NFIA: variants seen among roughly 807,000 people sequenced by gnomAD.
NFIA encodes nuclear factor I A, also known as nuclear factor 1 A-type.
NFIA carries 8 observed loss-of-function variants against 62.8 expected under a neutral mutation model. The observed-to-expected ratio is 0.13, with a 90% CI of 0.07 to 0.23. The LOEUF (loss-of-function observed/expected upper bound fraction) is 0.23, where lower values mean the gene tolerates loss of function less well. NFIA is among the 10% of genes least tolerant of loss of function. The probability of loss-of-function intolerance (pLI) is 1.00; values close to 1 mark genes in which losing one functional copy is unlikely to be tolerated. For missense variants in NFIA, 410 were observed against 642.1 expected, an observed-to-expected ratio of 0.64 and a Z score of 3.91; for synonymous variants, 235 against 238.1, an observed-to-expected ratio of 0.99 and a Z score of 0.12.
At chr1:61,413,216 T>C (rs1400678034) in intron 9 of NFIA, among the ~76,000 whole-genome samples, 1 of 152,232 alleles carries the variant, frequency 6.6e-6, no homozygotes, top group Non-Finnish European at 1.5e-5. Flanking sequence ...ATATCTTTGA[T>C]GAATCTTGTA....
At chr1:61,404,909 T>A (rs553891380) in intron 8 of NFIA, among the ~76,000 whole-genome samples, 2 of 152,336 alleles carry the variant, frequency 1.3e-5, no homozygotes, top group African/African-American at 4.8e-5. Flanking sequence ...AATCACAATT[T>A]GAAATGGCAT....
At chr1:61,273,739 G>A (rs1657648761) in intron 2 of NFIA, among the ~76,000 whole-genome samples, 1 of 152,156 alleles carries the variant, frequency 6.6e-6, no homozygotes, top group African/African-American at 2.4e-5. Flanking sequence ...CCTTACTACA[G>A]CATAATATTA....
chr1:61,181,857 G>A (rs1458471927), intron 2 of NFIA, among the ~76,000 whole-genome samples: 3 of 152,302 alleles, frequency 2.0e-5, no homozygotes, highest in East Asian at 1.9e-4. Context: ...AGTGGTAAAT[G>A]TGCCTCTTGT....
chr1:61,339,937 G>T (rs1336263270), intron 4 of NFIA, among the ~76,000 whole-genome samples: 1 of 152,170 alleles, frequency 6.6e-6, no homozygotes, highest in African/African-American at 2.4e-5. Context: ...CCTGGCTGTT[G>T]TCATGGACCA....
At chr1:61,295,706 G>A (rs1424945214) in intron 3 of NFIA, among the ~76,000 whole-genome samples, 2 of 152,170 alleles carry the variant, frequency 1.3e-5, no homozygotes, top group African/African-American at 2.4e-5. Context: ...AAATAGTCAC[G>A]AATGCTTCTT....
chr1:61,099,094 A>G (rs1016533862), intron 2 of NFIA, among the ~76,000 whole-genome samples: 1 of 152,240 alleles, frequency 6.6e-6, no homozygotes, highest in Non-Finnish European at 1.5e-5. Flanking sequence ...TACCACCTAC[A>G]TTTTTAAACT....
At chr1:61,363,876 T>C (rs1469083790) in intron 6 of NFIA, among the ~76,000 whole-genome samples, 1 of 151,950 alleles carries the variant, frequency 6.6e-6, no homozygotes, top group East Asian at 1.9e-4. Flanking sequence ...TGATCTAAAA[T>C]AGCTGCTGAC....
At chr1:61,441,838 T>A (rs1667596325) in intron 10 of NFIA, among the ~76,000 whole-genome samples, 1 of 152,006 alleles carries the variant, frequency 6.6e-6, no homozygotes, top group Non-Finnish European at 1.5e-5. Context: ...TTCCCAAACA[T>A]TTTTTTCCTG....
chr1:61,168,712 G>A (rs1362049282), intron 2 of NFIA, among the ~76,000 whole-genome samples: 1 of 152,156 alleles, frequency 6.6e-6, no homozygotes, highest in African/African-American at 2.4e-5. Context: ...TAAGATGGAG[G>A]TTATGTATCT....
At chr1:61,438,880 G>A (rs1002602958) in intron 10 of NFIA, among the ~76,000 whole-genome samples, 6 of 152,012 alleles carry the variant, frequency 3.9e-5, no homozygotes, top group Admixed American at 3.9e-4. Flanking sequence ...TTGCAGATTG[G>A]TATGAGTGAC....
In NFIA at chr1:61,402,033, C is replaced by CTTTTTT. The variant is rs10636290; in HGVS notation, c.1076-2054_1076-2049dup. ...GAAGTCCTAAGTTTTACTCATTTTT[C>CTTTTTT]TTTTTTTTTTTTTTTTTTTTTTGAG... On this transcript the variant is annotated intron_variant, in intron 7 of 10. Transcript: ENST00000403491. Among the ~76,000 whole-genome samples, 787 of 94,524 alleles carry CTTTTTT rather than the reference C, an allele frequency of 8.3e-3. 16 individuals are homozygous for CTTTTTT. Among genetic ancestry groups the CTTTTTT allele is most frequent in the East Asian group, 0.018 (50 of 2,764 alleles). 62.0% of individuals were successfully genotyped at this position (94,524 alleles called of 152,430 possible). A position where few individuals can be genotyped will look rare whatever the true frequency, so the allele number is the denominator to read the frequency against.
At chr1:61,270,290 A>AC (rs1423662591) in intron 2 of NFIA, among the ~76,000 whole-genome samples, 1 of 152,178 alleles carries the variant, frequency 6.6e-6, no homozygotes. Flanking sequence ...TAGTGTCTCC[A>AC]TTTTACAGAT....
intron 10 of NFIA, among the ~76,000 whole-genome samples, chr1:61,448,740 C>T (rs1368645252): frequency 6.6e-6 from 1 of 152,084 alleles, no homozygotes; most frequent in Non-Finnish European, 1.5e-5. Flanking sequence ...TGCGGTGGGC[C>T]GGAGTGCAGT....
At chr1:61,141,400 T>G (rs1647521718) in intron 2 of NFIA, among the ~76,000 whole-genome samples, 1 of 129,654 alleles carries the variant, frequency 7.7e-6, no homozygotes, top group Non-Finnish European at 1.7e-5. Flanking sequence ...CATCTTTGAC[T>G]GGTCCCCTTT....
At chr1:61,146,154 C>T (rs1163588133) in intron 2 of NFIA, among the ~76,000 whole-genome samples, 2 of 152,124 alleles carry the variant, frequency 1.3e-5, no homozygotes, top group Admixed American at 6.6e-5. Context: ...ATTTGAGCTC[C>T]GCTTCCTTCT....
intron 2 of NFIA, among the ~76,000 whole-genome samples, chr1:61,242,071 CT>C (rs1217909906): frequency 3.9e-5 from 6 of 152,104 alleles, no homozygotes; most frequent in Non-Finnish European, 7.3e-5. Flanking sequence ...CATTTGTTTA[CT>C]TAAGTTTATA....
At chr1:61,225,257 CTTT>C (rs200678109) in intron 2 of NFIA, among the ~76,000 whole-genome samples, 1 of 144,604 alleles carries the variant, frequency 6.9e-6, no homozygotes, top group African/African-American at 2.5e-5. Flanking sequence ...GTCCATAGTA[CTTT>C]TTTTTTTTTG....
rs1008982584 is a variant in NFIA, at chr1:61,460,943, C to T, written c.*5623C>T. The T allele has an allele frequency of 1.3e-5, 2 of 152,070 alleles. No individual in the cohort carries two copies. Among genetic ancestry groups the T allele is most frequent in the Non-Finnish European group, 2.9e-5 (2 of 68,018 alleles). The allele number at this position is 152,070 out of a possible 1,614,324, so 9.4% of individuals were successfully genotyped here. On this transcript the variant is annotated 3_prime_UTR_variant, in exon 11 of 11. Coordinates refer to ENST00000403491, the MANE Select transcript of NFIA (RefSeq NM_001134673.4). ...CGCAAATTCTGTCTTTTCTTGATTT[C>T]GGCTGTTTTCAGTATTTTGGAGGTA...
intron 2 of NFIA, among the ~76,000 whole-genome samples, chr1:61,163,128 C>T (rs867266503): frequency 7.2e-5 from 11 of 152,112 alleles, no homozygotes; most frequent in African/African-American, 1.7e-4. Flanking sequence ...AATCCTATAC[C>T]GGAATAAAGA....
Sources: allele counts gnomAD v4.1 joint callset (sites outside exome capture counted in the v4.1 genomes callset), GRCh38; gene constraint gnomAD v4.1.1; transcripts MANE v1.5; gene names NCBI Gene and HGNC (gene_info 2026-07-23, HGNC 2026-07-21).